Variants in GALNTL6 observed in about 807,000 individuals in gnomAD.
The protein encoded by GALNTL6 is polypeptide N-acetylgalactosaminyltransferase like 6.
GALNTL6 carries 46 observed loss-of-function variants against 73.7 expected under a neutral mutation model. The ratio of observed to expected loss-of-function variants is 0.62; its 90% CI spans 0.49 to 0.80. The LOEUF is 0.80. Ranked by LOEUF, GALNTL6 falls within the 30% of genes least tolerant of loss-of-function variation. The pLI is 0.00. For synonymous variants in GALNTL6, 259 were observed against 263.7 expected (o/e 0.98, Z 0.17); for missense variants, 604 against 755.0 (o/e 0.80, Z 2.34).
intron 2 of GALNTL6, among the ~76,000 whole-genome samples, chr4:171,909,336 A>G (rs1452999147): frequency 6.6e-6 from 1 of 152,134 alleles, no homozygotes; most frequent in Non-Finnish European, 1.5e-5. Flanking sequence ...TAAGCCATAG[A>G]TGATCCAGGG....
intron 10 of GALNTL6, among the ~76,000 whole-genome samples, chr4:172,953,250 C>T (rs1472615397): frequency 6.6e-6 from 1 of 152,192 alleles, no homozygotes; most frequent in Non-Finnish European, 1.5e-5. Context: ...CGGTTCCATT[C>T]AATACTGTTG....
chr4:172,721,958 CA>C (rs1579393434), intron 5 of GALNTL6, among the ~76,000 whole-genome samples: 1 of 149,526 alleles, frequency 6.7e-6, no homozygotes, highest in African/African-American at 2.4e-5. Flanking sequence ...CTTAGTAACA[CA>C]AATATTGCAA....
At chr4:172,376,404 C>T (rs1000654006) in intron 5 of GALNTL6, among the ~76,000 whole-genome samples, 19 of 152,060 alleles carry the variant, frequency 1.2e-4, no homozygotes, top group Admixed American at 9.2e-4. Context: ...AACTTGTTGT[C>T]GGCACCCCGG....
chr4:172,441,575 T>A (rs1248728932), intron 5 of GALNTL6, among the ~76,000 whole-genome samples: 2 of 152,168 alleles, frequency 1.3e-5, no homozygotes, highest in African/African-American at 4.8e-5. Flanking sequence ...TGTTTGCTGA[T>A]GATTTTGCTG....
At chr4:171,991,985 A>G (rs926466174) in intron 2 of GALNTL6, among the ~76,000 whole-genome samples, 1 of 151,910 alleles carries the variant, frequency 6.6e-6, no homozygotes, top group African/African-American at 2.4e-5. Context: ...CATGAAGTGT[A>G]ACTAATCAAC....
intron 2 of GALNTL6, among the ~76,000 whole-genome samples, chr4:172,060,356 A>G (rs964582480): frequency 6.6e-6 from 1 of 152,212 alleles, no homozygotes; most frequent in African/African-American, 2.4e-5. Flanking sequence ...GCACATACAT[A>G]CATGTATATG....
At chr4:172,147,906 TTAA>T in intron 2 of GALNTL6, among the ~76,000 whole-genome samples, 1 of 152,234 alleles carries the variant, frequency 6.6e-6, no homozygotes, top group Admixed American at 6.5e-5. Context: ...ACAGAGACTT[TTAA>T]TAGCATTGTG....
intron 2 of GALNTL6, among the ~76,000 whole-genome samples, chr4:171,873,975 C>T (rs888711600): frequency 6.6e-6 from 1 of 152,124 alleles, no homozygotes; most frequent in Non-Finnish European, 1.5e-5. Context: ...AGGTGTTTAG[C>T]CAGGCTTAGG....
At chr4:172,787,522 A>G (rs927303960) in intron 5 of GALNTL6, among the ~76,000 whole-genome samples, 4 of 152,234 alleles carry the variant, frequency 2.6e-5, no homozygotes, top group African/African-American at 9.6e-5. Flanking sequence ...TCCCAAAACT[A>G]GTAGCCATTT....
rs1430440322 is a variant in GALNTL6 at position 172,057,944 on chromosome 4, T to C, written c.139-171712T>C. Among the ~76,000 whole-genome samples the C allele has an allele frequency of 3.3e-5, 5 of 151,488 alleles. No individual in the cohort carries two copies. In the East Asian group the frequency reaches 5.8e-4, roughly 18 times the overall value. ...AGAATCTTTTCCATTTTTCCGCACA[T>C]GTTTTTATTTTAGCATTAGTACCAA... On this transcript the variant is annotated intron_variant, in intron 2 of 12. Coordinates refer to ENST00000506823, the MANE Select transcript of GALNTL6 (RefSeq NM_001034845.3).
intron 5 of GALNTL6, among the ~76,000 whole-genome samples, chr4:172,608,052 A>C (rs1738375282): frequency 2.0e-5 from 3 of 152,032 alleles, no homozygotes; most frequent in South Asian, 4.1e-4. Flanking sequence ...TTGTTTAATA[A>C]ATAGTTTGCA....
intron 2 of GALNTL6, among the ~76,000 whole-genome samples, chr4:171,992,274 C>T (rs977929200): frequency 6.6e-6 from 1 of 151,656 alleles, no homozygotes; most frequent in African/African-American, 2.4e-5. Context: ...TTTTATTCAT[C>T]CTATTATGTT....
intron 5 of GALNTL6, among the ~76,000 whole-genome samples, chr4:172,643,568 C>A (rs1740089232): frequency 6.6e-6 from 1 of 151,906 alleles, no homozygotes; most frequent in African/African-American, 2.4e-5. Context: ...CCCCAACTAG[C>A]CACTGACTCC....
chr4:171,865,003 G>A (rs529750879), intron 2 of GALNTL6, among the ~76,000 whole-genome samples: 2 of 152,002 alleles, frequency 1.3e-5, no homozygotes, highest in East Asian at 3.9e-4. Context: ...AAAATTAGCC[G>A]GGCATGGTGG....
chr4:172,954,749 T>C (rs182044687), intron 10 of GALNTL6, among the ~76,000 whole-genome samples: 96 of 152,302 alleles, frequency 6.3e-4, no homozygotes, highest in Non-Finnish European at 1.6e-4. Flanking sequence ...ATCGCAAGCA[T>C]GAGCCACCAC....
chr4:172,877,346 A>T (rs1180352582), intron 7 of GALNTL6, among the ~76,000 whole-genome samples: 1 of 152,066 alleles, frequency 6.6e-6, no homozygotes, highest in Non-Finnish European at 1.5e-5. Context: ...AAGAGTCAAT[A>T]TGTGAAATAG....
chr4:172,342,969 C>T (rs1384864212), intron 4 of GALNTL6, among the ~76,000 whole-genome samples: 1 of 152,152 alleles, frequency 6.6e-6, no homozygotes, highest in South Asian at 2.1e-4. Flanking sequence ...TGACAGTGAT[C>T]AAGATGTTGG....
intron 2 of GALNTL6, among the ~76,000 whole-genome samples, chr4:171,930,294 G>A (rs1357308708): frequency 6.6e-6 from 1 of 152,184 alleles, no homozygotes; most frequent in Non-Finnish European, 1.5e-5. Context: ...AGGCCACTTG[G>A]GTAATCGCAG....
Position 172,108,906 on chromosome 4 carries a change from G to A in GALNTL6, c.139-120750G>A, listed in dbSNP as rs911744063. 4.0e-5 allele frequency among the ~76,000 whole-genome samples: 6 copies of A among 151,380 alleles called. No homozygotes were observed. In the South Asian group the frequency reaches 6.3e-4, roughly 16 times the overall value. On this transcript the variant is annotated intron_variant, in intron 2 of 12. Coordinates refer to ENST00000506823, the MANE Select transcript of GALNTL6 (RefSeq NM_001034845.3). The stretch of plus-strand genomic sequence containing the variant: ...CGTGCGCCCATATTCCCAGCTGATC[G>A]GGAGGCTGAGTCAGCAGAATTGCTT...
Sources: allele counts gnomAD v4.1 joint callset (sites outside exome capture counted in the v4.1 genomes callset), GRCh38; gene constraint gnomAD v4.1.1; transcripts MANE v1.5; gene names NCBI Gene and HGNC (gene_info 2026-07-23, HGNC 2026-07-21).